The following EFTUD2 variants were observed in gnomAD, a reference collection of about 807,000 sequenced individuals.
EFTUD2 encodes the protein 116 kDa U5 small nuclear ribonucleoprotein component.
EFTUD2 carries 9 observed loss-of-function variants against 114.3 expected under a neutral mutation model. The ratio of observed to expected loss-of-function variants is 0.08; its 90% CI spans 0.05 to 0.14. The LOEUF (loss-of-function observed/expected upper bound fraction) is 0.14. Among genes scored for constraint, EFTUD2 ranks in the 10% least tolerant of loss-of-function variants. The pLI, the probability that EFTUD2 is intolerant of heterozygous loss-of-function variation, is 1.00. For synonymous variants in EFTUD2, 449 were observed against 462.3 expected (o/e 0.97, Z 0.37); for missense variants, 765 against 1,241.2 (o/e 0.62, Z 5.76).
chr17:44,893,322 C>T (rs1442679828), intron 2 of EFTUD2, among the ~76,000 whole-genome samples: 1 of 152,130 alleles, frequency 6.6e-6, no homozygotes, highest in Non-Finnish European at 1.5e-5. Flanking sequence ...GGGGTTTCAC[C>T]GTATTGGTCA....
chr17:44,883,152 A>C lies in EFTUD2; in HGVS notation c.433T>G (p.Phe145Val), dbSNP rs1483094826. ...GTCTGTTCAATTAAACAATCCACAA[A>C]ACATGTCTAAAAGGGAAGAAACAGT... ...CGHLHHGKTCFVDCLIEQTHP... is the reference protein window; with the variant it reads ...CGHLHHGKTCVVDCLIEQTHP... The change falls in exon 6 of 28, where the codon TTT becomes GTT. Residue 145 changes from phenylalanine to valine, a missense_variant. This residue lies in a region of EFTUD2 where 19 missense variants were observed against 53.0 expected (regional missense o/e 0.36). Coordinates refer to ENST00000426333, the MANE Select transcript of EFTUD2 (RefSeq NM_004247.4). 6.2e-7 allele frequency: 1 copy of C among 1,613,992 alleles called. No individual in the cohort carries two copies. The highest frequency in any genetic ancestry group is 8.5e-7 in the Non-Finnish European group (1 of 1,180,012).
chr17:44,854,418 G>C lies in EFTUD2; in HGVS notation c.2260-62C>G. On this transcript the variant is annotated intron_variant, in intron 22 of 27. Transcript: ENST00000426333. This position sits in a 1 kb window ranked among gnomAD's most constrained non-coding sequence, Gnocchi z 4.3. Reference sequence around the variant, plus strand: ...TGGCAACGGCTGAAGCATTTAGAGGGAGAAGACAGATGTGCCTGTAAGGGG... The same window carrying C: ...TGGCAACGGCTGAAGCATTTAGAGGCAGAAGACAGATGTGCCTGTAAGGGG... The C allele has an allele frequency of 3.8e-6, 6 of 1,572,604 alleles. No individual in the cohort carries two copies. The highest frequency in any genetic ancestry group is 5.2e-6 in the Non-Finnish European group (6 of 1,163,116).
chr17:44,854,716 C>T lies in EFTUD2; in HGVS notation c.2133-34G>A. On this transcript the variant is annotated intron_variant, in intron 21 of 27. Transcript: ENST00000426333. This position sits in a 1 kb window ranked among gnomAD's most constrained non-coding sequence, Gnocchi z 4.3. ...GGGAGGAGACAATGGAGCTGTCAGCCAGCTCTGTGATTGCTGGTCCTGGAG... is the reference window on the plus strand; with the variant it reads ...GGGAGGAGACAATGGAGCTGTCAGCTAGCTCTGTGATTGCTGGTCCTGGAG... 1 of 1,603,252 alleles carries T rather than the reference C, an allele frequency of 6.2e-7. No homozygotes were observed. Among genetic ancestry groups the T allele is most frequent in the Non-Finnish European group, 8.5e-7 (1 of 1,173,044 alleles).
chr17:44,881,563 A>G, intron 7 of EFTUD2, 124 bp downstream of exon 7: 1 of 1,006,708 alleles, frequency 9.9e-7, no homozygotes, highest in South Asian at 1.4e-5. Flanking sequence ...GGATGTGAGA[A>G]GTGGAGAGAG....
intron 2 of EFTUD2, among the ~76,000 whole-genome samples, chr17:44,892,682 G>T (rs939911141): frequency 5.3e-5 from 7 of 131,338 alleles, no homozygotes; most frequent in Non-Finnish European, 9.2e-5. Flanking sequence ...GTGTCACCCA[G>T]GCTGGAGAGC....
rs774272718 is a variant in EFTUD2, at chr17:44,852,366, A to G, written c.2715+43T>C. The stretch of plus-strand genomic sequence containing the variant: ...CAGGACAGAAGGGGATGAGGCTTGC[A>G]GAGGTGGGAAGCCAAGTCCGCCAGC... On this transcript the variant is annotated intron_variant, in intron 26 of 27. Coordinates refer to ENST00000426333, the MANE Select transcript of EFTUD2 (RefSeq NM_004247.4). 5.0e-6 allele frequency: 8 copies of G among 1,610,968 alleles called. No individual in the cohort carries two copies. The African/African-American group carries it at 9.4e-5, about 19-fold the overall frequency.
In EFTUD2 at chr17:44,851,386, A is replaced by T; in HGVS notation, c.2824-17T>A. 1 of 1,601,176 alleles carries T rather than the reference A, an allele frequency of 6.2e-7. No individual in the cohort carries two copies. Among genetic ancestry groups the T allele is most frequent in the South Asian group, 1.1e-5 (1 of 90,818 alleles). On this transcript the variant is annotated splice_polypyrimidine_tract_variant and intron_variant, in intron 27 of 27. Coordinates refer to ENST00000426333, the MANE Select transcript of EFTUD2 (RefSeq NM_004247.4). ...ACTGAGGCCCTGCAGGGAATGGGGCAAATATAAGAAAGCCCGAGGTGGTCG... is the reference window on the plus strand; with the variant it reads ...ACTGAGGCCCTGCAGGGAATGGGGCTAATATAAGAAAGCCCGAGGTGGTCG...
At chr17:44,894,644 T>C (rs2051345197) in intron 1 of EFTUD2, 119 bp from the exon 2 acceptor site, 4 of 706,362 alleles carry the variant, frequency 5.7e-6, no homozygotes, top group Non-Finnish European at 1.0e-5. Context: ...ATGCCTCCTC[T>C]CCAGTGACAT....
At position 44,876,213 on chromosome 17, in the gene EFTUD2, C is replaced by G. The variant is rs2050946285; in HGVS notation, c.703-113G>C. 9 of 1,275,828 alleles carry G rather than the reference C, an allele frequency of 7.1e-6. No homozygotes were observed. In the South Asian group the frequency reaches 1.5e-4, roughly 21 times the overall value. 79.0% of individuals were successfully genotyped at this position (1,275,828 alleles called of 1,614,324 possible). On this transcript the variant is annotated intron_variant, in intron 9 of 27. Coordinates refer to ENST00000426333, the MANE Select transcript of EFTUD2 (RefSeq NM_004247.4). ...CATGAAGCCTGGGGAGAAAAAAAGA[C>G]CTCGGGAAATATTACTGGGTGGAAG...
At chr17:44,874,574 G>A (rs1369943914) in intron 10 of EFTUD2, among the ~76,000 whole-genome samples, 1 of 152,050 alleles carries the variant, frequency 6.6e-6, no homozygotes, top group Non-Finnish European at 1.5e-5. Context: ...TCAGTAGGAC[G>A]GCCTCCTCAC....
chr17:44,852,334 G>A, intron 26 of EFTUD2, 75 bp downstream of exon 26: 2 of 1,581,106 alleles, frequency 1.3e-6, no homozygotes, highest in South Asian at 1.2e-5. Flanking sequence ...AGGGCTTGGA[G>A]AGGGATCAGG....
chr17:44,860,838 A>G (rs2050643812), intron 16 of EFTUD2, among the ~76,000 whole-genome samples: 1 of 151,998 alleles, frequency 6.6e-6, no homozygotes, highest in African/African-American at 2.4e-5. Flanking sequence ...AGCTCAAGCA[A>G]TCCTCCTGCC....
chr17:44,850,529 T>G lies in EFTUD2; in HGVS notation c.*745A>C. 1.6e-6 allele frequency: 1 copy of G among 640,224 alleles called. No homozygotes were observed. Among genetic ancestry groups the G allele is most frequent in the Non-Finnish European group, 2.8e-6 (1 of 360,656 alleles). 39.7% of individuals were successfully genotyped at this position (640,224 alleles called of 1,614,324 possible). A position where few individuals can be genotyped will look rare whatever the true frequency, so the allele number is the denominator to read the frequency against. The stretch of plus-strand genomic sequence containing the variant: ...AACAGAGTAAGGGACTGGTGGTAGC[T>G]GGGGAGAGGACTTGGAGTAAATGGC... On this transcript the variant is annotated 3_prime_UTR_variant, in exon 28 of 28. Transcript: ENST00000426333.
At chr17:44,872,634 G>GAAGGGC (rs1283174356) in intron 10 of EFTUD2, 64 bp from the exon 11 acceptor site, 1 of 1,507,118 alleles carries the variant, frequency 6.6e-7, no homozygotes, top group Non-Finnish European at 8.9e-7. Flanking sequence ...CTGCCAAGGG[G>GAAGGGC]AAGGGCAGGA....
At chr17:44,867,167 T>C (rs1174291094) in intron 13 of EFTUD2, among the ~76,000 whole-genome samples, 1 of 152,204 alleles carries the variant, frequency 6.6e-6, no homozygotes, top group African/African-American at 2.4e-5. Flanking sequence ...TTCACAATTA[T>C]ATCTGTAAGT....
chr17:44,896,953 A>G (rs1342244825), intron 1 of EFTUD2, among the ~76,000 whole-genome samples: 1 of 152,210 alleles, frequency 6.6e-6, no homozygotes, highest in Non-Finnish European at 1.5e-5. Flanking sequence ...GCAGTGGCTC[A>G]CGCCTGTAAT....
intron 6 of EFTUD2, among the ~76,000 whole-genome samples, chr17:44,882,158 T>C (rs1204152689): frequency 6.6e-6 from 1 of 152,216 alleles, no homozygotes; most frequent in African/African-American, 2.4e-5. Flanking sequence ...GGTCTCGAAC[T>C]CCTGACCTCA....
intron 11 of EFTUD2, among the ~76,000 whole-genome samples, chr17:44,870,796 G>A (rs999902330): frequency 6.6e-6 from 1 of 152,090 alleles, no homozygotes; most frequent in Admixed American, 6.6e-5. Context: ...GAGGTGGGCG[G>A]ATCACGAGGT....
intron 2 of EFTUD2, among the ~76,000 whole-genome samples, chr17:44,887,632 G>A (rs2051198050): frequency 6.6e-6 from 1 of 152,078 alleles, no homozygotes; most frequent in Non-Finnish European, 1.5e-5. Context: ...CAGAATAGGC[G>A]AATCTATATA....
Sources: allele counts gnomAD v4.1 joint callset (sites outside exome capture counted in the v4.1 genomes callset), GRCh38; gene constraint gnomAD v4.1.1; regional missense constraint gnomAD v4.1.1; non-coding constraint Gnocchi (gnomAD v3.1); transcripts MANE v1.5; gene names NCBI Gene and HGNC (gene_info 2026-07-23, HGNC 2026-07-21).